COLGALT2: variants seen among roughly 807,000 people sequenced by gnomAD.
The protein encoded by COLGALT2 is collagen beta(1-O)galactosyltransferase 2, also known as procollagen galactosyltransferase 2.
COLGALT2 carries 49 observed loss-of-function variants against 73.4 expected under a neutral mutation model. The ratio of observed to expected loss-of-function variants is 0.67; its 90% confidence interval spans 0.53 to 0.85. The LOEUF (loss-of-function observed/expected upper bound fraction) is 0.85. Ranked by LOEUF, COLGALT2 falls within the 40% of genes least tolerant of loss-of-function variation. The pLI, the probability that COLGALT2 is intolerant of heterozygous loss-of-function variation, is 0.00. For synonymous variants in COLGALT2, 295 were observed against 307.6 expected (o/e 0.96, Z 0.43); for missense variants, 722 against 790.2 (o/e 0.91, Z 1.03).
chr1:183,958,307 T>C (rs1369678724), intron 6 of COLGALT2, among the ~76,000 whole-genome samples: 3 of 152,186 alleles, frequency 2.0e-5, no homozygotes, highest in Admixed American at 6.5e-5. Flanking sequence ...CGTCCACTGA[T>C]GCCTGATAAA....
rs981698918 is a variant in COLGALT2, at chr1:183,977,800, A to C, written c.374+610T>G. ...GTGAGACCCTGTCTTGAAAGAAAGA[A>C]GGAAAGAGAGAAAGAGAGAGAGAGA... On this transcript the variant is annotated intron_variant, in intron 2 of 11. Transcript: ENST00000361927. Among the ~76,000 whole-genome samples the C allele has an allele frequency of 2.4e-4, 15 of 62,144 alleles. No homozygotes were observed. In the South Asian group the frequency reaches 9.2e-3, roughly 38 times the overall value. 40.8% of individuals were successfully genotyped at this position (62,144 alleles called of 152,430 possible). A position where few individuals can be genotyped will look rare whatever the true frequency, so the allele number is the denominator to read the frequency against.
intron 1 of COLGALT2, among the ~76,000 whole-genome samples, chr1:183,996,068 G>A (rs1190169382): frequency 3.9e-5 from 6 of 152,012 alleles, no homozygotes; most frequent in Admixed American, 6.6e-5. Context: ...TTCTTTTCTA[G>A]TCTTGTCCCA....
chr1:183,970,450 G>A (rs940566511), intron 4 of COLGALT2, among the ~76,000 whole-genome samples: 4 of 152,146 alleles, frequency 2.6e-5, no homozygotes. Flanking sequence ...ATCACTTCAT[G>A]GTTACATTTC....
intron 5 of COLGALT2, among the ~76,000 whole-genome samples, chr1:183,967,943 A>G (rs1363254763): frequency 6.6e-6 from 1 of 152,262 alleles, no homozygotes; most frequent in Non-Finnish European, 1.5e-5. Context: ...TTGCTCCAGC[A>G]GCCAAGGGGG....
intron 1 of COLGALT2, among the ~76,000 whole-genome samples, chr1:183,985,354 C>A (rs562970369): frequency 3.3e-5 from 5 of 152,204 alleles, no homozygotes; most frequent in Admixed American, 6.5e-5. Context: ...CTCACTGCAA[C>A]CTCCACCTCC....
chr1:184,015,437 T>C (rs151072791), intron 1 of COLGALT2, among the ~76,000 whole-genome samples: 99 of 152,346 alleles, frequency 6.5e-4, no homozygotes, highest in African/African-American at 2.2e-3. Context: ...TCTTTTGTGA[T>C]GCTGGGCTTC....
At chr1:184,035,214 A>C (rs1649635464) in intron 1 of COLGALT2, among the ~76,000 whole-genome samples, 1 of 152,218 alleles carries the variant, frequency 6.6e-6, no homozygotes, top group Non-Finnish European at 1.5e-5. Flanking sequence ...GATCCTAATT[A>C]TATTGCAAAA....
chr1:183,984,301 A>G (rs1278353693), intron 1 of COLGALT2, among the ~76,000 whole-genome samples: 1 of 152,206 alleles, frequency 6.6e-6, no homozygotes, highest in Non-Finnish European at 1.5e-5. Flanking sequence ...GCTACTTGGG[A>G]AGCTGAGGCA....
intron 7 of COLGALT2, among the ~76,000 whole-genome samples, chr1:183,952,182 T>C (rs932156588): frequency 5.9e-5 from 9 of 152,256 alleles, no homozygotes; most frequent in African/African-American, 2.2e-4. Flanking sequence ...AATGTTTTAA[T>C]AAGGTCCTTT....
intron 2 of COLGALT2, among the ~76,000 whole-genome samples, chr1:183,976,867 T>C (rs1361262737): frequency 6.6e-6 from 1 of 152,170 alleles, no homozygotes; most frequent in Non-Finnish European, 1.5e-5. Flanking sequence ...TGATTAAGAA[T>C]AGGTTTCTAT....
rs957912422 is a variant in COLGALT2 at position 184,014,547 on chromosome 1, G to A, written c.263+22548C>T. 4.6e-5 allele frequency among the ~76,000 whole-genome samples: 7 copies of A among 152,148 alleles called. No homozygotes were observed. The East Asian group carries it at 1.2e-3, about 25-fold the overall frequency. ...TGAGAATGCTAAACTGGCAAATGTC[G>A]ACCATTCTCTCAAGAAGTTTGACTC... On this transcript the variant is annotated intron_variant, in intron 1 of 11. Coordinates refer to ENST00000361927, the MANE Select transcript of COLGALT2 (RefSeq NM_015101.4).
chr1:184,035,248 A>G (rs904464787), intron 1 of COLGALT2, among the ~76,000 whole-genome samples: 1 of 152,252 alleles, frequency 6.6e-6, no homozygotes, highest in Non-Finnish European at 1.5e-5. Flanking sequence ...AGAGCCATAA[A>G]GAATTTTTGA....
intron 1 of COLGALT2, among the ~76,000 whole-genome samples, chr1:184,027,950 A>C (rs1052467656): frequency 6.6e-6 from 1 of 152,176 alleles, no homozygotes; most frequent in African/African-American, 2.4e-5. Context: ...CTCCCGCCCA[A>C]CCTGTTTCTA....
At chr1:183,993,731 A>C (rs1342806012) in intron 1 of COLGALT2, among the ~76,000 whole-genome samples, 1 of 152,206 alleles carries the variant, frequency 6.6e-6, no homozygotes, top group East Asian at 1.9e-4. Flanking sequence ...TTCAAAGTTC[A>C]TGTCCCCAGA....
downstream of COLGALT2, among the ~76,000 whole-genome samples, chr1:183,932,787 C>T (rs1056645267): frequency 3.9e-5 from 6 of 152,174 alleles, no homozygotes; most frequent in Non-Finnish European, 7.4e-5. Flanking sequence ...CGGAGTGTCC[C>T]TCTCAGGGCC....
At chr1:184,005,329 C>T (rs528032868) in intron 1 of COLGALT2, among the ~76,000 whole-genome samples, 10 of 152,316 alleles carry the variant, frequency 6.6e-5, no homozygotes, top group Non-Finnish European at 1.0e-4. Flanking sequence ...TCCCTGACCC[C>T]GTCACTTCAT....
chr1:183,975,201 C>T lies in COLGALT2; in HGVS notation c.388G>A (p.Glu130Lys). 6.2e-7 allele frequency: 1 copy of T among 1,612,492 alleles called. No individual in the cohort carries two copies. The highest frequency in any genetic ancestry group is 8.5e-7 in the Non-Finnish European group (1 of 1,178,608). ...GTTGGCCAGTGCTTTGGTCCAATTT[C>T]ATCAGGGTAAGACCTAAAATAATAA... ...PMDEPESYPD[E>K]IGPKHWPTSR... is the part of the protein sequence containing the mutation. Residue 130 changes from glutamate (E) to lysine (K), a missense_variant, in exon 3 of 12, where the codon GAA (glutamate) becomes AAA (lysine). Physicochemically the swap from Glu to Lys is moderately conservative, Grantham distance 56. Coordinates refer to ENST00000361927, the MANE Select transcript of COLGALT2 (RefSeq NM_015101.4).
chr1:184,017,525 T>G (rs187738948), intron 1 of COLGALT2, among the ~76,000 whole-genome samples: 83 of 152,278 alleles, frequency 5.5e-4, no homozygotes, highest in African/African-American at 1.9e-3. Flanking sequence ...GCCGCATTAT[T>G]CCACCGACTG....
chr1:184,022,940 T>C (rs1210091968), intron 1 of COLGALT2, among the ~76,000 whole-genome samples: 1 of 152,198 alleles, frequency 6.6e-6, no homozygotes, highest in Non-Finnish European at 1.5e-5. Flanking sequence ...ACAAGGCAGC[T>C]GGCCTACAGC....
Sources: gnomAD v4.1 joint callset for allele counts (sites outside exome capture counted in the v4.1 genomes callset) on GRCh38, gnomAD v4.1.1 for gene constraint, MANE v1.5 for transcripts, NCBI Gene and HGNC (gene_info 2026-07-23, HGNC 2026-07-21) for gene names.